The following FSTL4 variants were observed in gnomAD, a reference collection of about 807,000 sequenced individuals.
FSTL4 encodes the protein follistatin like 4, also known as follistatin-related protein 4.
Under a neutral mutation model 78.2 loss-of-function variants are expected in FSTL4, and 28 were observed. The ratio of observed to expected loss-of-function variants is 0.36; its 90% confidence interval spans 0.27 to 0.49. FSTL4 has a LOEUF of 0.49. Ranked by LOEUF, FSTL4 falls within the 20% of genes least tolerant of loss-of-function variation. The pLI is 0.98. For synonymous variants in FSTL4, 422 were observed against 440.5 expected, an observed-to-expected ratio of 0.96 and a Z score of 0.53; for missense variants, 922 against 1,084.9, an observed-to-expected ratio of 0.85 and a Z score of 2.11.
the FSTL4 span, among the ~76,000 whole-genome samples, chr5:133,797,007 C>T: frequency 2.0e-5 from 3 of 152,192 alleles, no homozygotes; most frequent in Non-Finnish European, 4.4e-5. Flanking sequence ...CCTCAGTCCC[C>T]TTTACCACCC....
chr5:133,685,763 G>C, the FSTL4 span, among the ~76,000 whole-genome samples: 22 of 152,246 alleles, frequency 1.4e-4, no homozygotes, highest in Admixed American at 8.5e-4. Context: ...CAGGAGGCAG[G>C]CAGGCCCCAA....
chr5:133,660,006 A>G, the FSTL4 span, among the ~76,000 whole-genome samples: 1 of 152,224 alleles, frequency 6.6e-6, no homozygotes, highest in Non-Finnish European at 1.5e-5. Context: ...AGAAAGAGTT[A>G]GGGGCTTAGA....
intron 3 of FSTL4, among the ~76,000 whole-genome samples, chr5:133,532,343 G>C (rs994661493): frequency 5.3e-5 from 8 of 152,192 alleles, no homozygotes; most frequent in African/African-American, 1.7e-4. Context: ...ACCACAAAAT[G>C]CCCCACATTA....
At chr5:133,682,850 G>C in the FSTL4 span, among the ~76,000 whole-genome samples, 1 of 152,168 alleles carries the variant, frequency 6.6e-6, no homozygotes, top group Non-Finnish European at 1.5e-5. Flanking sequence ...TTGATGCTGA[G>C]GCCTGTGTTG....
intron 3 of FSTL4, among the ~76,000 whole-genome samples, chr5:133,559,899 A>G (rs2112936512): frequency 6.6e-6 from 1 of 152,346 alleles, no homozygotes. Context: ...AGGACCAGGT[A>G]TCCTGGAGCT....
At chr5:133,478,438 T>C (rs1412985104) in intron 3 of FSTL4, among the ~76,000 whole-genome samples, 7 of 150,314 alleles carry the variant, frequency 4.7e-5, no homozygotes, top group Admixed American at 4.6e-4. Context: ...GTAGCTGTGG[T>C]AACAGGCGGG....
chr5:133,367,467 G>A (rs1196976652), intron 4 of FSTL4, among the ~76,000 whole-genome samples: 2 of 152,204 alleles, frequency 1.3e-5, no homozygotes, highest in Non-Finnish European at 2.9e-5. Flanking sequence ...TCCAACCAAA[G>A]CATCCCAGAA....
At chr5:133,492,703 C>T (rs1758290445) in intron 3 of FSTL4, among the ~76,000 whole-genome samples, 1 of 152,052 alleles carries the variant, frequency 6.6e-6, no homozygotes, top group African/African-American at 2.4e-5. Flanking sequence ...TTTATCTAGG[C>T]ATTTATATCT....
intron 3 of FSTL4, among the ~76,000 whole-genome samples, chr5:133,533,971 C>T (rs1580772100): frequency 1.3e-5 from 2 of 152,108 alleles, no homozygotes; most frequent in East Asian, 1.9e-4. Flanking sequence ...AGGCCTAATA[C>T]TGTACATTGG....
At chr5:133,385,511 T>C (rs1487379046) in intron 4 of FSTL4, among the ~76,000 whole-genome samples, 1 of 152,190 alleles carries the variant, frequency 6.6e-6, no homozygotes, top group Non-Finnish European at 1.5e-5. Flanking sequence ...CACAGGCTCC[T>C]GGTCCCCCTA....
In FSTL4 at chr5:133,199,198, G is replaced by A. The variant is rs757232670; in HGVS notation, c.2426C>T (p.Ala809Val). 5 of 1,612,494 alleles carry A rather than the reference G, an allele frequency of 3.1e-6. No homozygotes were observed. The highest frequency in any genetic ancestry group is 3.3e-4 in the Middle Eastern group (2 of 6,058). The stretch of plus-strand genomic sequence containing the variant: ...ATTGATGAGGAACAGTGACTCTCGG[G>A]CTGGTGTGAGGAGGTACTGTCCAAA... ...GLFGQYLLTP[A>V]RESLFLINGR... The change falls in exon 16 of 16, where the codon GCC (alanine) becomes GTC (valine). Residue 809 changes from alanine to valine, a missense_variant. Transcript: ENST00000265342. This position sits in a 1 kb window ranked among gnomAD's most constrained non-coding sequence, Gnocchi z 4.4.
intron 4 of FSTL4, among the ~76,000 whole-genome samples, chr5:133,386,714 C>T (rs140702917): frequency 1.0e-3 from 153 of 152,194 alleles, no homozygotes; most frequent in African/African-American, 3.5e-3. Context: ...GGGACACTGG[C>T]GAGAAGGAAC....
At chr5:133,781,405 GT>G in the FSTL4 span, among the ~76,000 whole-genome samples, 2 of 116,164 alleles carry the variant, frequency 1.7e-5, no homozygotes, top group African/African-American at 6.8e-5. Flanking sequence ...GTGTGTGTGT[GT>G]GTGTGGCGTG....
In FSTL4 at chr5:133,557,285, G is replaced by A. The variant is rs192243821; in HGVS notation, c.160+9901C>T. Among the ~76,000 whole-genome samples, 67 of 152,316 alleles carry A rather than the reference G, an allele frequency of 4.4e-4. No homozygotes were observed. In the East Asian group the frequency reaches 0.01, roughly 24 times the overall value. ...GAAGAGAGCACCTCCCCCCTGAAAC[G>A]CTAGGTGAATGTTTGCTGATTCTTA... On this transcript the variant is annotated intron_variant, in intron 3 of 15. Transcript: ENST00000265342.
chr5:133,684,395 G>C, the FSTL4 span, among the ~76,000 whole-genome samples: 1 of 152,192 alleles, frequency 6.6e-6, no homozygotes, highest in African/African-American at 2.4e-5. Flanking sequence ...CTCTAGGCAA[G>C]TGATTCAGCC....
the FSTL4 span, among the ~76,000 whole-genome samples, chr5:133,671,423 G>C: frequency 0.4 from 60,587 of 151,692 alleles, 12,215 homozygotes; most frequent in Middle Eastern, 0.57. Context: ...TCCTTATTTT[G>C]TAGGTAAAAC....
chr5:133,400,651 A>G, intron 4 of FSTL4, 87 bp downstream of exon 4: 1 of 1,201,420 alleles, frequency 8.3e-7, no homozygotes, highest in Non-Finnish European at 1.2e-6. Flanking sequence ...TGTAACTTGT[A>G]GACTCAGCAC....
At chr5:133,420,775 A>C (rs891104906) in intron 3 of FSTL4, among the ~76,000 whole-genome samples, 6 of 152,222 alleles carry the variant, frequency 3.9e-5, no homozygotes, top group African/African-American at 1.4e-4. Context: ...CCACGGGTGC[A>C]TGGCTGTAGA....
the FSTL4 span, among the ~76,000 whole-genome samples, chr5:133,677,506 A>G: frequency 1.3e-5 from 2 of 152,234 alleles, no homozygotes; most frequent in African/African-American, 4.8e-5. Context: ...TTAAGAAGCA[A>G]AGTCGATTCC....
Sources: allele counts gnomAD v4.1 joint callset (sites outside exome capture counted in the v4.1 genomes callset), GRCh38; gene constraint gnomAD v4.1.1; non-coding constraint Gnocchi (gnomAD v3.1); transcripts MANE v1.5; gene names NCBI Gene and HGNC (gene_info 2026-07-23, HGNC 2026-07-21).